SPAG16: variants seen among roughly 807,000 people sequenced by gnomAD.
The protein encoded by SPAG16 is sperm-associated antigen 16 protein.
A neutral mutation model predicts 80.4 loss-of-function variants in SPAG16; 86 were observed. The observed-to-expected ratio is 1.07, with a 90% confidence interval of 0.90 to 1.28. The LOEUF (loss-of-function observed/expected upper bound fraction) is 1.28. SPAG16 is among the 50% of genes most tolerant of loss of function. SPAG16 has a pLI of 0.00. For synonymous variants in SPAG16, 294 were observed against 265.9 expected (o/e 1.11, Z -1.03); for missense variants, 870 against 765.3 (o/e 1.14, Z -1.61).
At chr2:213,938,121 T>G (rs979469004) in intron 12 of SPAG16, among the ~76,000 whole-genome samples, 1 of 151,652 alleles carries the variant, frequency 6.6e-6, no homozygotes, top group Non-Finnish European at 1.5e-5. Flanking sequence ...ATATATATAT[T>G]TTATAACATG....
chr2:214,353,294 A>G (rs549842552), intron 15 of SPAG16, among the ~76,000 whole-genome samples: 3 of 132,178 alleles, frequency 2.3e-5, no homozygotes, highest in African/African-American at 7.9e-5. Flanking sequence ...ATTACTGAGG[A>G]AAAAAAATCG....
rs529427282 is a variant in SPAG16 at position 214,200,750 on chromosome 2, C to T, written c.1720+51484C>T. Among the ~76,000 whole-genome samples, 9 of 152,140 alleles carry T rather than the reference C, an allele frequency of 5.9e-5. No individual in the cohort carries two copies. The South Asian group carries it at 8.3e-4, about 14-fold the overall frequency. ...GATAAAAATTCAAAGTTTATAAATT[C>T]GAGGTTTTTGAGAAAACAATTAATT... On this transcript the variant is annotated intron_variant, in intron 15 of 15. Coordinates refer to ENST00000331683, the MANE Select transcript of SPAG16 (RefSeq NM_024532.5).
chr2:214,297,293 T>A (rs973370537), intron 15 of SPAG16, among the ~76,000 whole-genome samples: 3 of 152,202 alleles, frequency 2.0e-5, no homozygotes, highest in African/African-American at 7.2e-5. Context: ...TTTGTTGTTA[T>A]GCAGAAGCTT....
At chr2:213,625,969 C>G (rs2061947980) in intron 10 of SPAG16, among the ~76,000 whole-genome samples, 1 of 152,146 alleles carries the variant, frequency 6.6e-6, no homozygotes, top group Admixed American at 6.6e-5. Context: ...AGATTACAGG[C>G]ATGAGCCACC....
intron 15 of SPAG16, among the ~76,000 whole-genome samples, chr2:214,151,219 C>T (rs1325846261): frequency 6.6e-6 from 1 of 151,978 alleles, no homozygotes; most frequent in Non-Finnish European, 1.5e-5. Context: ...TCCTCAATGA[C>T]TCTTCATTTA....
chr2:213,658,486 C>CA (rs2063302689), intron 10 of SPAG16, among the ~76,000 whole-genome samples: 1 of 152,138 alleles, frequency 6.6e-6, no homozygotes, highest in Admixed American at 6.5e-5. Flanking sequence ...CCTTAAGGAG[C>CA]AAGCATTTAA....
chr2:214,350,461 C>A (rs928138049), intron 15 of SPAG16, among the ~76,000 whole-genome samples: 1 of 152,178 alleles, frequency 6.6e-6, no homozygotes, highest in Non-Finnish European at 1.5e-5. Flanking sequence ...AGTAAACAGG[C>A]TTTAAAGAAC....
rs72939057 is a variant in SPAG16, at chr2:213,383,077, A to G, written c.942+7958A>G. Among the ~76,000 whole-genome samples, 1,442 of 152,158 alleles carry G rather than the reference A, an allele frequency of 9.5e-3. 10 individuals are homozygous for G. Among genetic ancestry groups the G allele is most frequent in the Non-Finnish European group, 0.014 (956 of 67,956 alleles). On this transcript the variant is annotated intron_variant, in intron 9 of 15. Transcript: ENST00000331683. ...TCCAGATCTTTACATGATTCTCTCAATCTTGTACCCCATTATTTTCTGATT... is the reference window on the plus strand; with the variant it reads ...TCCAGATCTTTACATGATTCTCTCAGTCTTGTACCCCATTATTTTCTGATT...
intron 9 of SPAG16, among the ~76,000 whole-genome samples, chr2:213,446,977 A>G (rs983208894): frequency 1.5e-4 from 23 of 152,168 alleles, no homozygotes; most frequent in African/African-American, 5.5e-4. Flanking sequence ...AGGGGGAGTA[A>G]TGAGAGATAC....
chr2:214,013,900 A>G (rs2047446198), intron 12 of SPAG16, 51 bp from the exon 13 acceptor site: 2 of 1,583,304 alleles, frequency 1.3e-6, no homozygotes, highest in Non-Finnish European at 1.7e-6. Context: ...TTAGCATTGT[A>G]TAGACAGCAT....
intron 10 of SPAG16, among the ~76,000 whole-genome samples, chr2:213,557,036 T>G (rs2059447139): frequency 6.6e-6 from 1 of 152,134 alleles, no homozygotes; most frequent in African/African-American, 2.4e-5. Flanking sequence ...AGCATCATGC[T>G]TGGAATATGC....
At chr2:213,354,520 C>G (rs1241193449) in intron 7 of SPAG16, among the ~76,000 whole-genome samples, 2 of 152,250 alleles carry the variant, frequency 1.3e-5, no homozygotes, top group East Asian at 3.9e-4. Flanking sequence ...AAAATCATTC[C>G]TATTTCTCCA....
chr2:214,200,924 C>A (rs780705396), intron 15 of SPAG16, among the ~76,000 whole-genome samples: 1 of 152,062 alleles, frequency 6.6e-6, no homozygotes, highest in Non-Finnish European at 1.5e-5. Flanking sequence ...AATTACCACA[C>A]ATGGGAAGAC....
At chr2:214,241,831 C>T (rs1361126559) in intron 15 of SPAG16, among the ~76,000 whole-genome samples, 1 of 152,042 alleles carries the variant, frequency 6.6e-6, no homozygotes, top group Non-Finnish European at 1.5e-5. Flanking sequence ...CTTTCATCTT[C>T]CCTGAGTATA....
At chr2:213,582,029 A>T (rs1275094840) in intron 10 of SPAG16, among the ~76,000 whole-genome samples, 2 of 152,300 alleles carry the variant, frequency 1.3e-5, no homozygotes, top group Non-Finnish European at 2.9e-5. Flanking sequence ...TATGGAATGG[A>T]GGAAGAATCT....
chr2:213,959,266 A>G (rs1170047688), intron 12 of SPAG16, among the ~76,000 whole-genome samples: 1 of 151,910 alleles, frequency 6.6e-6, no homozygotes, highest in Non-Finnish European at 1.5e-5. Context: ...AGGTCTTTGT[A>G]CTTCTCGGGT....
intron 15 of SPAG16, among the ~76,000 whole-genome samples, chr2:214,398,853 CCTAACTCTGTTAT>C (rs1174091034): frequency 6.6e-6 from 1 of 152,178 alleles, no homozygotes; most frequent in Non-Finnish European, 1.5e-5. Context: ...TTGTTCAAAT[CCTAACTCTGTTAT>C]CTTAATGGAG....
chr2:214,335,477 T>TAC (rs1697214594), intron 15 of SPAG16, among the ~76,000 whole-genome samples: 3 of 151,572 alleles, frequency 2.0e-5, no homozygotes, highest in Non-Finnish European at 2.9e-5. Context: ...GGAATATATA[T>TAC]ATATATAGAT....
At position 213,802,103 on chromosome 2, in the gene SPAG16, GA is replaced by G. The variant is rs529272613; in HGVS notation, c.1071-60378del. On this transcript the variant is annotated intron_variant, in intron 10 of 15. Transcript: ENST00000331683. ...GTTTGAATTTATTTTCTGTTACAAGGAAAAGCTTGAGATTATACAGTTGTTT... is the reference window on the plus strand; with the variant it reads ...GTTTGAATTTATTTTCTGTTACAAGGAAAGCTTGAGATTATACAGTTGTTT... 4.8e-3 allele frequency among the ~76,000 whole-genome samples: 734 copies of G among 152,288 alleles called. 5 individuals carry two copies. Among genetic ancestry groups the G allele is most frequent in the South Asian group, 0.01 (50 of 4,826 alleles).
Sources: gnomAD v4.1 joint callset for allele counts (sites outside exome capture counted in the v4.1 genomes callset) on GRCh38, gnomAD v4.1.1 for gene constraint, MANE v1.5 for transcripts, NCBI Gene and HGNC (gene_info 2026-07-23, HGNC 2026-07-21) for gene names.